CDH8: variants seen among roughly 807,000 people sequenced by gnomAD.
CDH8 encodes cadherin 8, also known as cadherin-8.
A neutral mutation model predicts 68.1 loss-of-function variants in CDH8; 17 were observed. The observed-to-expected ratio is 0.25, with a 90% CI of 0.17 to 0.37. The LOEUF is 0.37. Among genes scored for constraint, CDH8 ranks in the 10% least tolerant of loss-of-function variants. The pLI is 1.00. For missense variants in CDH8, 763 were observed against 999.3 expected (o/e 0.76, Z 3.19); for synonymous variants, 372 against 365.1 (o/e 1.02, Z -0.21).
At chr16:61,801,872 G>T (rs9673174) in intron 7 of CDH8, among the ~76,000 whole-genome samples, 3 of 151,616 alleles carry the variant, frequency 2.0e-5, no homozygotes, top group South Asian at 4.2e-4. Context: ...ACTGCAAGGC[G>T]GCAGCGAGGC....
intron 10 of CDH8, among the ~76,000 whole-genome samples, chr16:61,677,484 AC>A (rs1205718754): frequency 6.6e-6 from 1 of 151,902 alleles, no homozygotes; most frequent in East Asian, 1.9e-4. Flanking sequence ...CTCTGGCCCT[AC>A]TAGGACTGGG....
chr16:61,767,466 A>G (rs1960624193), intron 8 of CDH8, among the ~76,000 whole-genome samples: 2 of 151,898 alleles, frequency 1.3e-5, no homozygotes, highest in African/African-American at 4.8e-5. Flanking sequence ...ACCATTTTAT[A>G]TAGTTGTTTT....
At chr16:61,977,170 G>T (rs1162414165) in intron 2 of CDH8, among the ~76,000 whole-genome samples, 1 of 152,130 alleles carries the variant, frequency 6.6e-6, no homozygotes, top group Non-Finnish European at 1.5e-5. Context: ...CCATGTGGCA[G>T]TTAACCTTCT....
intron 8 of CDH8, among the ~76,000 whole-genome samples, chr16:61,733,206 C>T (rs909749406): frequency 1.1e-4 from 17 of 151,692 alleles, no homozygotes; most frequent in Non-Finnish European, 1.8e-4. Context: ...ACATCTGAAG[C>T]TTATTCTGCC....
At chr16:61,784,251 G>A (rs1421349005) in intron 8 of CDH8, among the ~76,000 whole-genome samples, 8 of 151,956 alleles carry the variant, frequency 5.3e-5, no homozygotes, top group East Asian at 1.9e-4. Flanking sequence ...GATCTACCAA[G>A]CAAATGGAAA....
chr16:61,754,002 G>T (rs190052478), intron 8 of CDH8, among the ~76,000 whole-genome samples: 6 of 152,036 alleles, frequency 3.9e-5, no homozygotes, highest in Non-Finnish European at 8.8e-5. Context: ...TATGCTACCC[G>T]TAAGAAATGA....
intron 10 of CDH8, among the ~76,000 whole-genome samples, chr16:61,704,274 C>A (rs1964490385): frequency 6.6e-6 from 1 of 152,170 alleles, no homozygotes; most frequent in South Asian, 2.1e-4. Flanking sequence ...CAAAATGCTT[C>A]TATTTCCTTG....
chr16:61,867,465 C>T (rs1963278260), intron 3 of CDH8, among the ~76,000 whole-genome samples: 2 of 151,984 alleles, frequency 1.3e-5, no homozygotes, highest in Non-Finnish European at 2.9e-5. Context: ...GCAGGAGGGG[C>T]AGATAAACAG....
intron 4 of CDH8, among the ~76,000 whole-genome samples, chr16:61,836,812 G>C (rs939587047): frequency 3.9e-5 from 6 of 151,956 alleles, no homozygotes; most frequent in Non-Finnish European, 8.8e-5. Context: ...GTCAGCCAAA[G>C]AGACTTATAA....
chr16:61,918,383 C>G, intron 2 of CDH8: 1 of 156,246 alleles, frequency 6.4e-6, no homozygotes, highest in African/African-American at 2.4e-5. Flanking sequence ...CGGGTGATTT[C>G]TGCATTTCCA....
At chr16:62,027,865 T>C (rs1232713133) in intron 1 of CDH8, among the ~76,000 whole-genome samples, 2 of 152,078 alleles carry the variant, frequency 1.3e-5, no homozygotes, top group Non-Finnish European at 2.9e-5. Context: ...GGCAGAAACA[T>C]ATTCTGAAAT....
intron 2 of CDH8, among the ~76,000 whole-genome samples, chr16:61,952,418 T>C (rs992615132): frequency 6.6e-6 from 1 of 152,178 alleles, no homozygotes; most frequent in Admixed American, 6.5e-5. Context: ...TTGGGCATCA[T>C]GTAAGAATGA....
chr16:61,920,088 A>G lies in CDH8; in HGVS notation c.253-18615T>C, dbSNP rs369788180. 1.1e-3 allele frequency among the ~76,000 whole-genome samples: 166 copies of G among 147,924 alleles called. 2 individuals carry two copies. In the East Asian group the frequency reaches 0.027, roughly 24 times the overall value. ...AAACTGGATCCCTTCCTTACACCTTATACAAAAATCAATTCAAGATGGATT... is the reference window on the plus strand; with the variant it reads ...AAACTGGATCCCTTCCTTACACCTTGTACAAAAATCAATTCAAGATGGATT... On this transcript the variant is annotated intron_variant, in intron 2 of 11. Coordinates refer to ENST00000577390, the MANE Select transcript of CDH8 (RefSeq NM_001796.5).
chr16:62,019,852 G>A (rs1224456342), intron 2 of CDH8, among the ~76,000 whole-genome samples: 1 of 152,110 alleles, frequency 6.6e-6, no homozygotes, highest in Non-Finnish European at 1.5e-5. Context: ...CCCACAAAAT[G>A]CTTTTATAAT....
intron 3 of CDH8, among the ~76,000 whole-genome samples, chr16:61,877,862 C>T (rs1963493035): frequency 6.6e-6 from 1 of 152,052 alleles, no homozygotes; most frequent in African/African-American, 2.4e-5. Flanking sequence ...CAGTAGCCCA[C>T]AATCATAAAC....
intron 4 of CDH8, among the ~76,000 whole-genome samples, chr16:61,855,112 A>T (rs749404882): frequency 7.9e-5 from 12 of 152,130 alleles, no homozygotes; most frequent in African/African-American, 2.7e-4. Flanking sequence ...TTCAAGTATC[A>T]TCTATCTCCA....
At chr16:61,721,636 G>A (rs1357043731) in intron 9 of CDH8, among the ~76,000 whole-genome samples, 1 of 143,902 alleles carries the variant, frequency 6.9e-6, no homozygotes, top group African/African-American at 2.6e-5. Context: ...TTGGTCACAG[G>A]AATGTATTGT....
intron 8 of CDH8, among the ~76,000 whole-genome samples, chr16:61,754,213 T>A (rs1260199916): frequency 6.6e-6 from 1 of 152,162 alleles, no homozygotes; most frequent in East Asian, 1.9e-4. Flanking sequence ...TGTTACACAG[T>A]TTTCCATGAG....
chr16:61,655,253 T>TG (rs1393584325), intron 11 of CDH8, among the ~76,000 whole-genome samples: 1 of 152,180 alleles, frequency 6.6e-6, no homozygotes, highest in Middle Eastern at 3.2e-3. Flanking sequence ...GTGATGGAAT[T>TG]GAAAAAGGCA....
Sources: gnomAD v4.1 joint callset for allele counts (sites outside exome capture counted in the v4.1 genomes callset) on GRCh38, gnomAD v4.1.1 for gene constraint, MANE v1.5 for transcripts, NCBI Gene and HGNC (gene_info 2026-07-23, HGNC 2026-07-21) for gene names.